The following CCDC60 variants were observed in gnomAD, a reference collection of about 807,000 sequenced individuals.
The protein encoded by CCDC60 is coiled-coil domain containing 60.
In CCDC60, 54 loss-of-function variants were observed where a neutral mutation model predicts 63.5. The ratio of observed to expected loss-of-function variants is 0.85; its 90% CI spans 0.68 to 1.07. The LOEUF (loss-of-function observed/expected upper bound fraction) is 1.07, where lower values mean the gene tolerates loss of function less well. Ranked by LOEUF, CCDC60 falls within the 50% of genes least tolerant of loss-of-function variation. The probability of loss-of-function intolerance (pLI) is 0.00; values close to 1 mark genes in which losing one functional copy is unlikely to be tolerated. For missense variants in CCDC60, 651 were observed against 684.3 expected (o/e 0.95, Z 0.54); for synonymous variants, 206 against 238.8 (o/e 0.86, Z 1.27).
chr12:119,438,584 G>C lies in CCDC60; in HGVS notation c.170+9822G>C, dbSNP rs76710085. 1.9e-3 allele frequency among the ~76,000 whole-genome samples: 293 copies of C among 152,320 alleles called. 3 individuals carry two copies. The East Asian group carries it at 0.024, about 12-fold the overall frequency. ...GTTACTTTATCTATGTTATGGGAGA[G>C]AGAGATAACAAGATCTATTCCACAC... On this transcript the variant is annotated intron_variant, in intron 2 of 13. Transcript: ENST00000327554.
chr12:119,354,588 C>T (rs549242654), intron 1 of CCDC60, among the ~76,000 whole-genome samples: 11 of 152,252 alleles, frequency 7.2e-5, no homozygotes, highest in South Asian at 6.2e-4. Flanking sequence ...AGCAAAGAAA[C>T]GGGGAGACTT....
At chr12:119,488,995 G>T in intron 5 of CCDC60, 129 bp downstream of exon 5, 2 of 745,244 alleles carry the variant, frequency 2.7e-6, no homozygotes, top group Admixed American at 4.1e-5. Context: ...TCTTCTATGT[G>T]CTCTGTGGGA....
intron 1 of CCDC60, among the ~76,000 whole-genome samples, chr12:119,356,541 A>G (rs1955720846): frequency 6.6e-6 from 1 of 152,220 alleles, no homozygotes; most frequent in African/African-American, 2.4e-5. Flanking sequence ...AGTGCAGAAT[A>G]TGACCAGAAT....
intron 1 of CCDC60, among the ~76,000 whole-genome samples, chr12:119,386,441 G>C (rs1956062454): frequency 6.6e-6 from 1 of 151,540 alleles, no homozygotes; most frequent in Non-Finnish European, 1.5e-5. Context: ...CCATTTGTCA[G>C]ACTCAGTCTC....
At chr12:119,467,544 C>A (rs1293651509) in intron 2 of CCDC60, among the ~76,000 whole-genome samples, 1 of 152,234 alleles carries the variant, frequency 6.6e-6, no homozygotes, top group East Asian at 1.9e-4. Context: ...CAGTCTCCAA[C>A]CTGGAAGAGG....
At chr12:119,384,673 G>A (rs1371719480) in intron 1 of CCDC60, among the ~76,000 whole-genome samples, 1 of 152,220 alleles carries the variant, frequency 6.6e-6, no homozygotes. Context: ...AGTCTGCAGA[G>A]AGCTGCAAGG....
At chr12:119,346,392 A>C (rs921566403) in intron 1 of CCDC60, among the ~76,000 whole-genome samples, 2 of 152,164 alleles carry the variant, frequency 1.3e-5, no homozygotes, top group African/African-American at 4.8e-5. Context: ...GAAGTTTTGC[A>C]ACCTGTCCAG....
Position 119,505,151 on chromosome 12 carries a change from C to G in CCDC60, c.731C>G (p.Ala244Gly). The G allele has an allele frequency of 5.0e-6, 8 of 1,614,066 alleles. No homozygotes were observed. The highest frequency in any genetic ancestry group is 6.8e-6 in the Non-Finnish European group (8 of 1,180,002). ...GGCTCCACACTCAGTCTGAGTCGGG[C>G]CAGTGGGGGGTCCTCTCCCCAGAGC... ...RRGSTLSLSR[A>G]SGGSSPQSSM... The change falls in exon 7 of 14, where the codon GCC becomes GGC. Residue 244 changes from alanine to glycine, a missense_variant. By Grantham distance (60) the Ala-to-Gly change is moderately conservative (BLOSUM62 0). Transcript: ENST00000327554.
At chr12:119,349,590 C>G (rs1417090590) in intron 1 of CCDC60, among the ~76,000 whole-genome samples, 1 of 152,062 alleles carries the variant, frequency 6.6e-6, no homozygotes, top group African/African-American at 2.4e-5. Context: ...CTGCCCATCT[C>G]AGCCTCCCAA....
At chr12:119,526,714 C>A (rs1952687365) in intron 11 of CCDC60, among the ~76,000 whole-genome samples, 1 of 152,158 alleles carries the variant, frequency 6.6e-6, no homozygotes, top group Non-Finnish European at 1.5e-5. Flanking sequence ...CAATGAGATA[C>A]CATCTCACTC....
intron 1 of CCDC60, among the ~76,000 whole-genome samples, chr12:119,355,083 C>T (rs1485206049): frequency 6.6e-6 from 1 of 152,182 alleles, no homozygotes; most frequent in African/African-American, 2.4e-5. Context: ...ACCTCTCATG[C>T]CAAGCCTCAG....
chr12:119,482,159 T>TACACAC (rs142480132), intron 4 of CCDC60, among the ~76,000 whole-genome samples: 77 of 145,358 alleles, frequency 5.3e-4, no homozygotes, highest in Middle Eastern at 3.6e-3. Flanking sequence ...CACACACACA[T>TACACAC]ACACACACAC....
intron 1 of CCDC60, among the ~76,000 whole-genome samples, chr12:119,399,629 C>A (rs1956350783): frequency 6.6e-6 from 1 of 152,156 alleles, no homozygotes; most frequent in Admixed American, 6.5e-5. Flanking sequence ...AAGATCAAAG[C>A]CTCAAGAGGG....
intron 7 of CCDC60, among the ~76,000 whole-genome samples, chr12:119,507,416 ATATATATATACGTG>A (rs918327403): frequency 3.0e-4 from 45 of 149,066 alleles, no homozygotes; most frequent in African/African-American, 1.1e-3. Context: ...TGCGATTCTT[ATATATATATACGTG>A]TATATATATA....
In CCDC60 at chr12:119,360,622, G is replaced by C. The variant is rs543822510; in HGVS notation, c.90+25356G>C. Among the ~76,000 whole-genome samples the C allele has an allele frequency of 3.6e-3, 546 of 152,140 alleles. 2 individuals are homozygous for C. The highest frequency in any genetic ancestry group is 0.012 in the African/African-American group (505 of 41,532). On this transcript the variant is annotated intron_variant, in intron 1 of 13. Transcript: ENST00000327554. ...TCCTCACATCCCAAACAGGGCGGCGGGGCAGAGGCGTTCCCCACATCCCAG... is the reference window on the plus strand; with the variant it reads ...TCCTCACATCCCAAACAGGGCGGCGCGGCAGAGGCGTTCCCCACATCCCAG...
rs762028085 is a variant in CCDC60, at chr12:119,523,700, A to C, written c.1111A>C (p.Asn371His). 1.2e-6 allele frequency: 2 copies of C among 1,613,996 alleles called. No individual in the cohort carries two copies. The highest frequency in any genetic ancestry group is 2.7e-5 in the African/African-American group (2 of 74,940). The change falls in exon 11 of 14, where the codon AAT becomes CAT. Residue 371 changes from asparagine (N) to histidine (H), a missense_variant. Asn to His is a moderately conservative substitution (Grantham distance 68, BLOSUM62 1). Coordinates refer to ENST00000327554, the MANE Select transcript of CCDC60 (RefSeq NM_178499.5). ...PVQKKSKNRT[N>H]CDINIHYKSG... is the part of the protein sequence containing the mutation. ...TCTTATCTGTGTCCACAGCCGCACT[A>C]ATTGTGACATCAACATCCACTACAA... is the stretch of plus-strand genomic sequence containing the variant.
chr12:119,442,567 A>G (rs7308319), intron 2 of CCDC60, among the ~76,000 whole-genome samples: 1 of 152,356 alleles, frequency 6.6e-6, no homozygotes, highest in Non-Finnish European at 1.5e-5. Context: ...GAAGCATTAT[A>G]TCATTTTATC....
At chr12:119,533,387 T>C (rs1234158659) in intron 13 of CCDC60, among the ~76,000 whole-genome samples, 1 of 152,240 alleles carries the variant, frequency 6.6e-6, no homozygotes, top group African/African-American at 2.4e-5. Flanking sequence ...ACTATGATGA[T>C]AGTTTCTTTT....
Position 119,464,303 on chromosome 12 carries a change from C to A in CCDC60, c.171-7691C>A, listed in dbSNP as rs1270275776. On this transcript the variant is annotated intron_variant, in intron 2 of 13. Coordinates refer to ENST00000327554, the MANE Select transcript of CCDC60 (RefSeq NM_178499.5). ...CCAGAGTTGGGTTGCAAGAGCAACC[C>A]CCCCCCCACTCTTCCTTACTTCCTC... Among the ~76,000 whole-genome samples the A allele has an allele frequency of 3.8e-4, 35 of 91,556 alleles. 2 individuals carry two copies. In the South Asian group the frequency reaches 8.8e-3, roughly 23 times the overall value. The allele number at this position is 91,556 out of a possible 152,430, so 60.1% of individuals were successfully genotyped here.
Sources: allele counts gnomAD v4.1 joint callset (sites outside exome capture counted in the v4.1 genomes callset), GRCh38; gene constraint gnomAD v4.1.1; transcripts MANE v1.5; gene names NCBI Gene and HGNC (gene_info 2026-07-23, HGNC 2026-07-21).